CPA6: variants seen among roughly 807,000 people sequenced by gnomAD.
CPA6 encodes carboxypeptidase B.
CPA6 carries 58 observed loss-of-function variants against 63.3 expected under a neutral mutation model. The observed-to-expected ratio is 0.92, with a 90% CI of 0.74 to 1.14. CPA6 has a LOEUF of 1.14. Ranked by LOEUF, CPA6 falls within the 50% of genes most tolerant of loss-of-function variation. The probability of loss-of-function intolerance (pLI) is 0.00; values close to 1 mark genes in which losing one functional copy is unlikely to be tolerated. For missense variants in CPA6, 565 were observed against 526.6 expected, an observed-to-expected ratio of 1.07 and a Z score of -0.71; for synonymous variants, 185 against 179.0, an observed-to-expected ratio of 1.03 and a Z score of -0.27.
intron 8 of CPA6, among the ~76,000 whole-genome samples, chr8:67,468,873 C>T (rs1292472157): frequency 6.6e-6 from 1 of 152,196 alleles, no homozygotes; most frequent in South Asian, 2.1e-4. Flanking sequence ...GTCCTCACCA[C>T]ATTCCATCCT....
At chr8:67,532,901 G>C (rs372977357) in intron 2 of CPA6, among the ~76,000 whole-genome samples, 2 of 152,112 alleles carry the variant, frequency 1.3e-5, no homozygotes, top group South Asian at 4.1e-4. Context: ...AACAAGGCAA[G>C]GGACATTTGA....
Position 67,439,583 on chromosome 8 carries a change from C to T in CPA6, c.839-5343G>A, listed in dbSNP as rs140260112. Among the ~76,000 whole-genome samples the T allele has an allele frequency of 5.5e-3, 742 of 135,816 alleles. 12 individuals are homozygous for T. The highest frequency in any genetic ancestry group is 0.033 in the East Asian group (141 of 4,324). 89.1% of individuals were successfully genotyped at this position (135,816 alleles called of 152,430 possible). On this transcript the variant is annotated intron_variant, in intron 8 of 10. Transcript: ENST00000297770. ...CAGCCTGGGTGACAAGAGCAAGACT[C>T]GGTCTCAAAAAAAAAAAAGAAAGAA... is the stretch of plus-strand genomic sequence containing the variant.
intron 1 of CPA6, among the ~76,000 whole-genome samples, chr8:67,653,158 T>C (rs1409024131): frequency 4.6e-5 from 7 of 150,786 alleles, no homozygotes; most frequent in African/African-American, 1.7e-4. Context: ...GTAGTATAGT[T>C]TGAAGTCAGG....
At chr8:67,593,603 C>T (rs1473574083) in intron 2 of CPA6, among the ~76,000 whole-genome samples, 2 of 152,190 alleles carry the variant, frequency 1.3e-5, no homozygotes, top group Non-Finnish European at 2.9e-5. Context: ...GGATATTTAG[C>T]TCTTCTTGTG....
intron 8 of CPA6, among the ~76,000 whole-genome samples, chr8:67,460,849 C>T (rs1435535902): frequency 1.3e-5 from 2 of 152,116 alleles, no homozygotes. Flanking sequence ...ATCTGTTTCA[C>T]AGTCAGCATC....
At chr8:67,572,220 G>T (rs546926124) in intron 2 of CPA6, among the ~76,000 whole-genome samples, 1 of 152,198 alleles carries the variant, frequency 6.6e-6, no homozygotes, top group Non-Finnish European at 1.5e-5. Context: ...AATATGGTTT[G>T]TTTATTCTCA....
At chr8:67,465,316 T>C (rs1587455771) in intron 8 of CPA6, among the ~76,000 whole-genome samples, 2 of 151,094 alleles carry the variant, frequency 1.3e-5, no homozygotes, top group African/African-American at 4.8e-5. Context: ...TATTGGTGTA[T>C]AGAAATGCTA....
chr8:67,652,370 T>G (rs62513802), intron 1 of CPA6, among the ~76,000 whole-genome samples: 12 of 151,592 alleles, frequency 7.9e-5, no homozygotes, highest in East Asian at 7.8e-4. Flanking sequence ...CAGTGTAAAA[T>G]TGTTCCTATT....
intron 2 of CPA6, among the ~76,000 whole-genome samples, chr8:67,526,446 C>T (rs1283968064): frequency 6.6e-6 from 1 of 152,048 alleles, no homozygotes; most frequent in Non-Finnish European, 1.5e-5. Flanking sequence ...TAGGGTGGAC[C>T]TGTCTAATCT....
At chr8:67,634,682 A>T (rs556793168) in intron 1 of CPA6, among the ~76,000 whole-genome samples, 23 of 151,680 alleles carry the variant, frequency 1.5e-4, no homozygotes, top group African/African-American at 4.9e-4. Context: ...GAACCACTGC[A>T]TATTTTTTTT....
At chr8:67,661,337 G>A (rs1322425332) in intron 1 of CPA6, among the ~76,000 whole-genome samples, 1 of 152,178 alleles carries the variant, frequency 6.6e-6, no homozygotes, top group Non-Finnish European at 1.5e-5. Flanking sequence ...GAGTAGGGTG[G>A]TAGAGTGGTA....
chr8:67,542,575 G>A (rs1812729270), intron 2 of CPA6, among the ~76,000 whole-genome samples: 1 of 152,184 alleles, frequency 6.6e-6, no homozygotes, highest in Non-Finnish European at 1.5e-5. Context: ...TGTTCTGGTA[G>A]AATATGTATT....
chr8:67,446,718 T>G (rs1810425143), intron 8 of CPA6, among the ~76,000 whole-genome samples: 1 of 152,208 alleles, frequency 6.6e-6, no homozygotes, highest in South Asian at 2.1e-4. Context: ...CTTTCAATGT[T>G]TTTCATTTAT....
At chr8:67,634,730 C>T (rs1415676635) in intron 1 of CPA6, among the ~76,000 whole-genome samples, 1 of 151,552 alleles carries the variant, frequency 6.6e-6, no homozygotes, top group Non-Finnish European at 1.5e-5. Context: ...ATGAAGGTTA[C>T]ATTATGTTCC....
chr8:67,702,823 G>C (rs1817054317), intron 1 of CPA6, among the ~76,000 whole-genome samples: 1 of 152,180 alleles, frequency 6.6e-6, no homozygotes, highest in Admixed American at 6.5e-5. Flanking sequence ...ACAAATCCCA[G>C]AATCATGCCA....
At chr8:67,488,485 C>G (rs189372334) in intron 6 of CPA6, among the ~76,000 whole-genome samples, 1 of 152,102 alleles carries the variant, frequency 6.6e-6, no homozygotes, top group Non-Finnish European at 1.5e-5. Context: ...GTCAGGTAGC[C>G]TGATGCCTCC....
intron 1 of CPA6, among the ~76,000 whole-genome samples, chr8:67,743,424 G>A (rs765359708): frequency 3.9e-5 from 6 of 152,022 alleles, no homozygotes; most frequent in South Asian, 4.2e-4. Context: ...TAAGCACATC[G>A]TAGAGAATGG....
intron 8 of CPA6, among the ~76,000 whole-genome samples, chr8:67,440,149 C>T (rs1296726816): frequency 6.6e-6 from 1 of 152,196 alleles, no homozygotes; most frequent in East Asian, 1.9e-4. Flanking sequence ...TCAGCAGGGC[C>T]ATCCACCTTC....
intron 2 of CPA6, among the ~76,000 whole-genome samples, chr8:67,611,484 AT>A (rs2128985126): frequency 6.6e-6 from 1 of 152,268 alleles, no homozygotes; most frequent in Admixed American, 6.5e-5. Flanking sequence ...ACATTACTTT[AT>A]CTTGTTAATC....
Sources: allele counts gnomAD v4.1 joint callset (sites outside exome capture counted in the v4.1 genomes callset), GRCh38; gene constraint gnomAD v4.1.1; transcripts MANE v1.5; gene names NCBI Gene and HGNC (gene_info 2026-07-23, HGNC 2026-07-21).